The following TSEN15 variants were observed in gnomAD, a reference collection of about 807,000 sequenced individuals.
TSEN15 encodes tRNA splicing endonuclease subunit 15.
A neutral mutation model predicts 20.5 loss-of-function variants in TSEN15; 10 were observed. That is an observed-to-expected ratio of 0.49 (90% CI 0.30 to 0.83). TSEN15 has a LOEUF of 0.83. TSEN15 is among the 40% of genes least tolerant of loss of function. The pLI, the probability that TSEN15 is intolerant of heterozygous loss-of-function variation, is 0.06. For missense variants in TSEN15, 180 were observed against 218.6 expected (o/e 0.82, Z 1.11); for synonymous variants, 72 against 80.1 (o/e 0.90, Z 0.54).
At chr1:184,052,513 C>T (rs1450182232) in intron 1 of TSEN15, among the ~76,000 whole-genome samples, 1 of 152,052 alleles carries the variant, frequency 6.6e-6, no homozygotes. Context: ...TGTACAAGTA[C>T]GGTTCCAAGC....
At chr1:184,064,789 TA>T (rs1397340226) in intron 3 of TSEN15, among the ~76,000 whole-genome samples, 10 of 152,236 alleles carry the variant, frequency 6.6e-5, no homozygotes, top group African/African-American at 2.4e-4. Flanking sequence ...TCTGTAAGGA[TA>T]TAGATGTTTA....
intron 3 of TSEN15, chr1:184,094,844 G>A (rs903895279): frequency 2.5e-6 from 1 of 393,182 alleles, no homozygotes; most frequent in African/African-American, 2.1e-5. Flanking sequence ...GGGGATGAGG[G>A]AAGGATAAGA....
intron 3 of TSEN15, among the ~76,000 whole-genome samples, chr1:184,080,845 G>T (rs77554647): frequency 6.6e-6 from 1 of 152,046 alleles, no homozygotes; most frequent in African/African-American, 2.4e-5. Context: ...CAATGATCTT[G>T]CACCCCAAGT....
At chr1:184,077,379 C>T (rs1396931590), downstream of TSEN15, among the ~76,000 whole-genome samples, 1 of 152,074 alleles carries the variant, frequency 6.6e-6, no homozygotes, top group Non-Finnish European at 1.5e-5. Flanking sequence ...AGATTTCTTT[C>T]AAAATATTAC....
intron 3 of TSEN15, among the ~76,000 whole-genome samples, chr1:184,060,749 A>C (rs1454668657): frequency 6.6e-6 from 1 of 151,344 alleles, no homozygotes; most frequent in African/African-American, 2.4e-5. Flanking sequence ...TCCAAAAGAT[A>C]ATAAAAGATT....
chr1:184,070,694 G>C (rs1251428499), intron 3 of TSEN15: 1 of 1,283,582 alleles, frequency 7.8e-7, no homozygotes, highest in Non-Finnish European at 1.0e-6. Context: ...ATTGTGATAT[G>C]CTGCCTTTTA....
intron 3 of TSEN15, chr1:184,070,752 A>G (rs1650851785): frequency 1.1e-6 from 1 of 871,862 alleles, no homozygotes; most frequent in Non-Finnish European, 1.5e-6. Context: ...TTTCTGATTA[A>G]TATCTATCGT....
At chr1:184,055,876 T>G (rs764336910) in intron 3 of TSEN15, among the ~76,000 whole-genome samples, 1 of 152,154 alleles carries the variant, frequency 6.6e-6, no homozygotes, top group Non-Finnish European at 1.5e-5. Context: ...ACATCTAATC[T>G]TATAAGTCCC....
intron 3 of TSEN15, chr1:184,071,933 C>A: frequency 2.3e-6 from 1 of 434,540 alleles, no homozygotes; most frequent in African/African-American, 2.0e-5. Flanking sequence ...TATTTCTATA[C>A]CATTCTCTTT....
chr1:184,071,748 C>CA (rs1467691221), intron 3 of TSEN15, among the ~76,000 whole-genome samples: 1 of 151,870 alleles, frequency 6.6e-6, no homozygotes, highest in Non-Finnish European at 1.5e-5. Flanking sequence ...ATATAGAAAA[C>CA]AAATAGCTAA....
exon 4 of TSEN15, chr1:184,096,960 C>T (rs1172905378): frequency 1.3e-5 from 2 of 152,178 alleles, no homozygotes; most frequent in African/African-American, 4.8e-5. Context: ...ATAACATTCA[C>T]ATTCTTTCTG....
intron 3 of TSEN15, among the ~76,000 whole-genome samples, chr1:184,059,817 C>G (rs1017111279): frequency 6.6e-6 from 1 of 152,308 alleles, no homozygotes; most frequent in South Asian, 2.1e-4. Flanking sequence ...GTTATCTGCC[C>G]GCCTTGGCCT....
chr1:184,077,449 A>G (rs536873784), downstream of TSEN15, among the ~76,000 whole-genome samples: 2 of 152,292 alleles, frequency 1.3e-5, no homozygotes, highest in Admixed American at 6.5e-5. Context: ...CAAGGAGATT[A>G]ATGTTGCTTT....
downstream of TSEN15, among the ~76,000 whole-genome samples, chr1:184,078,439 C>T (rs969797799): frequency 6.6e-6 from 1 of 152,008 alleles, no homozygotes; most frequent in Non-Finnish European, 1.5e-5. Flanking sequence ...CAAGGTATGC[C>T]GGTATAAACT....
In TSEN15 at chr1:184,066,415, T is replaced by G. The variant is rs551350592; in HGVS notation, c.354-5742T>G. 3.3e-3 allele frequency among the ~76,000 whole-genome samples: 506 copies of G among 152,210 alleles called. 2 individuals are homozygous for G. The highest frequency in any genetic ancestry group is 0.012 in the African/African-American group (488 of 41,526). On this transcript the variant is annotated intron_variant, in intron 3 of 4. Coordinates refer to ENST00000645668, the MANE Select transcript of TSEN15 (RefSeq NM_052965.4). ...GGTCTTTTTTTTTTCTTTATGTGATTTTTTTGAGACAGGGTCTCACTCTGT... is the reference window on the plus strand; with the variant it reads ...GGTCTTTTTTTTTTCTTTATGTGATGTTTTTGAGACAGGGTCTCACTCTGT...
chr1:184,053,873 G>C (rs150488797), intron 1 of TSEN15, among the ~76,000 whole-genome samples: 1 of 152,200 alleles, frequency 6.6e-6, no homozygotes, highest in Admixed American at 6.5e-5. Context: ...CCCATCACAA[G>C]TTTTATTAAA....
At chr1:184,061,066 A>T (rs902803380) in intron 3 of TSEN15, among the ~76,000 whole-genome samples, 1 of 152,078 alleles carries the variant, frequency 6.6e-6, no homozygotes, top group Non-Finnish European at 1.5e-5. Flanking sequence ...TGGCCCATAT[A>T]TTGTTCCCAG....
downstream of TSEN15, among the ~76,000 whole-genome samples, chr1:184,074,403 A>C (rs905928478): frequency 1.3e-5 from 2 of 152,134 alleles, no homozygotes; most frequent in Non-Finnish European, 2.9e-5. Context: ...CTGAGACTTG[A>C]CTGGGGAAGG....
rs115409590 is a variant in TSEN15, at chr1:184,072,785, G to T, written c.496-42G>T. On this transcript the variant is annotated intron_variant, in intron 4 of 4. Coordinates refer to ENST00000645668, the MANE Select transcript of TSEN15 (RefSeq NM_052965.4). ...TCTAATTTTGCTTTTGGATTACATT[G>T]TTTATCGGAGAAAAGTCCATCCTGA... 13,173 of 1,571,132 alleles carry T rather than the reference G, an allele frequency of 8.4e-3. 63 individuals carry two copies. Among genetic ancestry groups the T allele is most frequent in the Non-Finnish European group, 0.01 (11,956 of 1,153,298 alleles).
Sources: gnomAD v4.1 joint callset for allele counts (sites outside exome capture counted in the v4.1 genomes callset) on GRCh38, gnomAD v4.1.1 for gene constraint, MANE v1.5 for transcripts, NCBI Gene and HGNC (gene_info 2026-07-23, HGNC 2026-07-21) for gene names.